The following DMD variants were observed in gnomAD, a reference collection of about 807,000 sequenced individuals.
DMD encodes the protein mutant dystrophin.
DMD carries 63 observed loss-of-function variants against 330.1 expected under a neutral mutation model. The observed-to-expected ratio is 0.19, with a 90% confidence interval of 0.16 to 0.24. DMD has a LOEUF of 0.24. Among genes scored for constraint, DMD ranks in the 10% least tolerant of loss-of-function variants. The probability of loss-of-function intolerance (pLI) is 1.00; values close to 1 mark genes in which losing one functional copy is unlikely to be tolerated. For missense variants in DMD, 3,344 were observed against 2,684.1 expected, an observed-to-expected ratio of 1.25 and a Z score of -5.43; for synonymous variants, 1,223 against 959.8, an observed-to-expected ratio of 1.27 and a Z score of -5.07.
chrX:32,934,215 T>C (rs2089819262), intron 2 of DMD, among the ~76,000 whole-genome samples: 1 of 111,360 alleles, frequency 9.0e-6, no homozygotes, highest in Non-Finnish European at 1.9e-5. Context: ...AATAGATGCA[T>C]CTCTTTTAGA....
intron 5 of DMD, among the ~76,000 whole-genome samples, chrX:32,821,381 G>C (rs772748241): frequency 2.7e-5 from 3 of 109,760 alleles, no homozygotes; most frequent in Non-Finnish European, 3.8e-5. Context: ...TCAGGAGATC[G>C]AGACCATCCT....
chrX:32,402,120 T>C (rs1482276220), intron 30 of DMD, among the ~76,000 whole-genome samples: 1 of 111,838 alleles, frequency 8.9e-6, no homozygotes, highest in African/African-American at 3.2e-5. Context: ...AACATTATGA[T>C]ATTACTATGT....
At chrX:32,887,207 C>T (rs914601785) in intron 2 of DMD, among the ~76,000 whole-genome samples, 14 of 108,670 alleles carry the variant, frequency 1.3e-4, no homozygotes, top group African/African-American at 3.7e-4. Context: ...ATTAGCCGGG[C>T]GTGCTGACAG....
chrX:31,792,397 T>C (rs1411342138), intron 50 of DMD, among the ~76,000 whole-genome samples: 1 of 112,332 alleles, frequency 8.9e-6, no homozygotes, highest in Non-Finnish European at 1.9e-5. Flanking sequence ...TTTCAAAATA[T>C]GTTCTACCAT....
intron 2 of DMD, among the ~76,000 whole-genome samples, chrX:32,873,800 A>G (rs2083179675): frequency 8.9e-6 from 1 of 112,516 alleles, no homozygotes. Flanking sequence ...GCCATCAAAT[A>G]AAAGGAAAGG....
chrX:32,732,326 G>C (rs2067800741), intron 7 of DMD, among the ~76,000 whole-genome samples: 1 of 111,151 alleles, frequency 9.0e-6, no homozygotes, highest in Admixed American at 9.6e-5. Context: ...GAACCAATTT[G>C]GAAAACACTC....
chrX:31,398,134 G>GA (rs1027997112), intron 60 of DMD, among the ~76,000 whole-genome samples: 1 of 112,037 alleles, frequency 8.9e-6, no homozygotes, highest in African/African-American at 3.2e-5. Flanking sequence ...ACAACCCTAT[G>GA]AAAAAAGCAC....
intron 55 of DMD, among the ~76,000 whole-genome samples, chrX:31,622,861 T>C (rs2078618201): frequency 4.4e-5 from 3 of 68,017 alleles, no homozygotes; most frequent in Middle Eastern, 6.9e-3. Flanking sequence ...TATATATATA[T>C]ATATATATAT....
At chrX:31,151,245 C>T (rs2037374867) in intron 74 of DMD, among the ~76,000 whole-genome samples, 1 of 112,423 alleles carries the variant, frequency 8.9e-6, no homozygotes, top group South Asian at 3.7e-4. Flanking sequence ...GGTCTCATTC[C>T]ATAGGAATTA....
Position 32,186,711 on chromosome X carries a change from T to A in DMD, c.6438+30205A>T, listed in dbSNP as rs776790225. 3.6e-5 allele frequency among the ~76,000 whole-genome samples: 4 copies of A among 111,289 alleles called. No individual in the cohort carries two copies. In the South Asian group the frequency reaches 1.1e-3, roughly 31 times the overall value. ...GCTGTTTTGCTGTAGTTTGATTTATTTGTGTGAGTTATTAGCTTGATATTG... is the reference window on the plus strand; with the variant it reads ...GCTGTTTTGCTGTAGTTTGATTTATATGTGTGAGTTATTAGCTTGATATTG... On this transcript the variant is annotated intron_variant, in intron 44 of 78. Transcript: ENST00000357033.
At chrX:33,325,437 C>A (rs1041613449) in intron 1 of DMD, among the ~76,000 whole-genome samples, 1 of 111,926 alleles carries the variant, frequency 8.9e-6, no homozygotes, top group African/African-American at 3.2e-5. Context: ...CAAAGCTATG[C>A]ATTAGAAGGA....
intron 7 of DMD, among the ~76,000 whole-genome samples, chrX:32,805,247 A>G (rs1043848426): frequency 2.7e-5 from 3 of 111,861 alleles, no homozygotes; most frequent in Non-Finnish European, 3.8e-5. Context: ...AACTACAATA[A>G]CCAGTTTAGG....
chrX:31,571,736 G>A (rs1472791024), intron 55 of DMD, among the ~76,000 whole-genome samples: 1 of 111,507 alleles, frequency 9.0e-6, no homozygotes, highest in East Asian at 2.8e-4. Flanking sequence ...GTTGTGGGGG[G>A]CTGTCTTGTG....
At chrX:32,851,710 A>G (rs1336638108) in intron 2 of DMD, among the ~76,000 whole-genome samples, 1 of 112,524 alleles carries the variant, frequency 8.9e-6, no homozygotes, top group Non-Finnish European at 1.9e-5. Context: ...CCCCTGGCAG[A>G]GGCCATGTCT....
At chrX:32,511,556 A>G (rs1028143974) in intron 18 of DMD, among the ~76,000 whole-genome samples, 42 of 107,825 alleles carry the variant, frequency 3.9e-4, no homozygotes, top group African/African-American at 1.3e-3. Flanking sequence ...AAGAAAAGAA[A>G]GTCATTAATT....
At chrX:33,143,210 C>T (rs899719178) in intron 1 of DMD, among the ~76,000 whole-genome samples, 8 of 110,732 alleles carry the variant, frequency 7.2e-5, no homozygotes, top group Admixed American at 1.9e-4. Context: ...ACAAACTTCA[C>T]TTTGGTACTA....
At chrX:32,056,000 C>T in intron 44 of DMD, among the ~76,000 whole-genome samples, 1 of 111,244 alleles carries the variant, frequency 9.0e-6, no homozygotes, top group Non-Finnish European at 1.9e-5. Flanking sequence ...ATGTCCTTAC[C>T]TCTTAATCTT....
chrX:31,414,798 A>G (rs2061797107), intron 60 of DMD, among the ~76,000 whole-genome samples: 1 of 111,802 alleles, frequency 8.9e-6, no homozygotes, highest in African/African-American at 3.3e-5. Context: ...GGGAAAACCA[A>G]TAGATGTGTA....
chrX:32,722,426 A>T, intron 7 of DMD, among the ~76,000 whole-genome samples: 1 of 110,730 alleles, frequency 9.0e-6, no homozygotes, highest in Non-Finnish European at 1.9e-5. Flanking sequence ...GTGCATAGGT[A>T]TATGCAAATA....
Sources: gnomAD v4.1 joint callset for allele counts (sites outside exome capture counted in the v4.1 genomes callset) on GRCh38, gnomAD v4.1.1 for gene constraint, MANE v1.5 for transcripts, NCBI Gene and HGNC (gene_info 2026-07-23, HGNC 2026-07-21) for gene names.